KIF24: variants seen among roughly 807,000 people sequenced by gnomAD.
KIF24 encodes kinesin-like protein KIF24.
KIF24 carries 81 observed loss-of-function variants against 118.9 expected under a neutral mutation model. The ratio of observed to expected loss-of-function variants is 0.68; its 90% CI spans 0.57 to 0.82. The LOEUF is 0.82. Ranked by LOEUF, KIF24 falls within the 40% of genes least tolerant of loss-of-function variation. The probability of loss-of-function intolerance (pLI) is 0.00; values close to 1 mark genes in which losing one functional copy is unlikely to be tolerated. For synonymous variants in KIF24, 599 were observed against 610.0 expected, an observed-to-expected ratio of 0.98 and a Z score of 0.27; for missense variants, 1,560 against 1,661.6, an observed-to-expected ratio of 0.94 and a Z score of 1.06.
chr9:34,257,716 C>A lies in KIF24; in HGVS notation c.1891G>T (p.Gly631Cys). ...TSAPKVSGKR[G>C]GSRGSPSQEW... ...TGTGAAGGACTCCCTCTGGAGCCAC[C>A]CCTTTTACCAGAGACCTTAGGTGCA... is the stretch of plus-strand genomic sequence containing the variant. The change falls in exon 11 of 13, where the codon GGT becomes TGT. Residue 631 changes from glycine (G) to cysteine (C), a missense_variant. By Grantham distance (159) the Gly-to-Cys change is radical. Transcript: ENST00000402558. The A allele has an allele frequency of 6.2e-7, 1 of 1,614,028 alleles. No homozygotes were observed. Among genetic ancestry groups the A allele is most frequent in the Non-Finnish European group, 8.5e-7 (1 of 1,179,902 alleles).
At chr9:34,271,136 C>A (rs1372652435) in intron 7 of KIF24, among the ~76,000 whole-genome samples, 1 of 151,942 alleles carries the variant, frequency 6.6e-6, no homozygotes, top group African/African-American at 2.4e-5. Flanking sequence ...AAGAGTATCA[C>A]AAGATTCTGA....
At chr9:34,314,574 C>T (rs1837277489) in intron 1 of KIF24, among the ~76,000 whole-genome samples, 1 of 152,192 alleles carries the variant, frequency 6.6e-6, no homozygotes, top group African/African-American at 2.4e-5. Flanking sequence ...GCAGACATAA[C>T]AACTTCAGAA....
chr9:34,313,296 AG>A (rs1041536668), intron 1 of KIF24, among the ~76,000 whole-genome samples: 15 of 152,212 alleles, frequency 9.9e-5, no homozygotes, highest in Non-Finnish European at 1.6e-4. Context: ...AGGTGAGATC[AG>A]GAAAAAACAA....
intron 6 of KIF24, among the ~76,000 whole-genome samples, chr9:34,283,013 T>C (rs139899481): frequency 2.2e-5 from 3 of 135,144 alleles, no homozygotes; most frequent in South Asian, 4.6e-4. Context: ...GATCGAGCCA[T>C]TGCACTCCAG....
intron 6 of KIF24, among the ~76,000 whole-genome samples, 196 bp downstream of exon 6, chr9:34,286,421 A>G (rs1333711826): frequency 2.0e-5 from 3 of 152,168 alleles, no homozygotes; most frequent in African/African-American, 7.2e-5. Context: ...ACCTCCCACT[A>G]ATCGTGGGAG....
intron 6 of KIF24, among the ~76,000 whole-genome samples, chr9:34,283,089 G>A (rs1395195945): frequency 3.4e-5 from 5 of 146,398 alleles, no homozygotes; most frequent in African/African-American, 1.0e-4. Context: ...TATTATGGCC[G>A]GACATGGTGG....
At chr9:34,271,766 A>AAT (rs1307541242) in intron 7 of KIF24, 43 bp downstream of exon 7, 2 of 1,605,160 alleles carry the variant, frequency 1.2e-6, no homozygotes, top group Non-Finnish European at 1.7e-6. Flanking sequence ...AGTCACATTA[A>AAT]AGGAAAGGCA....
chr9:34,322,290 T>G (rs1302170651), intron 1 of KIF24, among the ~76,000 whole-genome samples: 1 of 152,160 alleles, frequency 6.6e-6, no homozygotes, highest in African/African-American at 2.4e-5. Flanking sequence ...TTTATTCATT[T>G]ACATTAAGAA....
chr9:34,282,881 G>A (rs1835898473), intron 6 of KIF24, among the ~76,000 whole-genome samples: 1 of 150,640 alleles, frequency 6.6e-6, no homozygotes, highest in African/African-American at 2.4e-5. Flanking sequence ...GTGAAACCCC[G>A]TCTCTACTAA....
chr9:34,312,262 G>A (rs1420342022), intron 1 of KIF24, among the ~76,000 whole-genome samples: 5 of 151,914 alleles, frequency 3.3e-5, no homozygotes, highest in Non-Finnish European at 7.4e-5. Context: ...TTAATACTAA[G>A]GTCAAGATTT....
At chr9:34,294,034 A>G (rs575680429) in intron 4 of KIF24, among the ~76,000 whole-genome samples, 1 of 152,234 alleles carries the variant, frequency 6.6e-6, no homozygotes, top group African/African-American at 2.4e-5. Context: ...TAGTGATCAC[A>G]GATTATTGCA....
chr9:34,329,373 G>C (rs1242543798), upstream of KIF24: 1 of 152,264 alleles, frequency 6.6e-6, no homozygotes, highest in Non-Finnish European at 1.5e-5. Context: ...ACCAATCAGA[G>C]GTCTGAAGAA....
At chr9:34,265,987 G>C (rs1218439674) in intron 8 of KIF24, among the ~76,000 whole-genome samples, 1 of 151,996 alleles carries the variant, frequency 6.6e-6, no homozygotes, top group Non-Finnish European at 1.5e-5. Context: ...CAACCTCCTG[G>C]GCTCAAGCAA....
intron 8 of KIF24, among the ~76,000 whole-genome samples, chr9:34,267,680 A>T (rs918812685): frequency 2.0e-5 from 3 of 152,236 alleles, no homozygotes; most frequent in African/African-American, 7.2e-5. Context: ...TGAAAAAAAT[A>T]AATGAGATAT....
intron 1 of KIF24, among the ~76,000 whole-genome samples, 138 bp downstream of exon 1, chr9:34,328,968 G>A (rs1402080094): frequency 6.6e-6 from 1 of 152,232 alleles, no homozygotes; most frequent in Non-Finnish European, 1.5e-5. Context: ...AGAGCCAAGA[G>A]GGGCCAACTC....
Position 34,257,734 on chromosome 9 carries a change from T to A in KIF24, c.1873A>T (p.Lys625Ter). The stretch of plus-strand genomic sequence containing the variant: ...GAGCCACCCCTTTTACCAGAGACCT[T>A]AGGTGCAGAAGTAAAAGGAATGTTG... ...PPNIPFTSAP[K>*]VSGKRGGSRG... is the part of the protein sequence containing the mutation. The change falls in exon 11 of 13, where the codon AAG becomes TAG. Residue 625 changes from lysine (K) to a stop codon, truncating the protein, a stop_gained. Coordinates refer to ENST00000402558, the MANE Select transcript of KIF24 (RefSeq NM_194313.4). LOFTEE classifies it high-confidence loss of function. The A allele has an allele frequency of 6.2e-7, 1 of 1,614,002 alleles. No homozygotes were observed. The highest frequency in any genetic ancestry group is 8.5e-7 in the Non-Finnish European group (1 of 1,179,878).
At chr9:34,255,601 G>A (rs1015730661) in intron 11 of KIF24, 134 bp downstream of exon 11, 1 of 750,156 alleles carries the variant, frequency 1.3e-6, no homozygotes, top group Admixed American at 2.9e-5. Context: ...CCAAAGCAGA[G>A]GGTTGGAGCT....
intron 9 of KIF24, 41 bp downstream of exon 9, chr9:34,263,060 G>A: frequency 7.0e-7 from 1 of 1,432,916 alleles, no homozygotes. Context: ...AGGAAGAAAG[G>A]AATGAATCAG....
At chr9:34,298,867 G>A (rs1302910212) in intron 3 of KIF24, among the ~76,000 whole-genome samples, 1 of 152,100 alleles carries the variant, frequency 6.6e-6, no homozygotes, top group African/African-American at 2.4e-5. Flanking sequence ...TAGAGGTGGG[G>A]AGCTGGGGAG....
Sources: gnomAD v4.1 joint callset for allele counts (sites outside exome capture counted in the v4.1 genomes callset) on GRCh38, gnomAD v4.1.1 for gene constraint, MANE v1.5 for transcripts, NCBI Gene and HGNC (gene_info 2026-07-23, HGNC 2026-07-21) for gene names.